RP1: variants seen among roughly 807,000 people sequenced by gnomAD.
RP1 encodes RP1 axonemal microtubule associated.
RP1 carries 16 observed loss-of-function variants against 14.8 expected under a neutral mutation model. The ratio of observed to expected loss-of-function variants is 1.08; its 90% confidence interval spans 0.73 to 1.65. RP1 has a LOEUF of 1.65. Among genes scored for constraint, RP1 ranks in the 40% most tolerant of loss-of-function variants. RP1 has a pLI of 0.00. For synonymous variants in RP1, 876 were observed against 883.6 expected (o/e 0.99, Z 0.15); for missense variants, 2,631 against 2,535.0 (o/e 1.04, Z -0.81).
intron 16 of RP1, among the ~76,000 whole-genome samples, chr8:54,722,461 G>T (rs1438393004): frequency 5.9e-5 from 9 of 151,848 alleles, no homozygotes; most frequent in Non-Finnish European, 1.3e-4. Flanking sequence ...TCGTACAGAC[G>T]GGGTTTCACC....
At chr8:54,841,558 C>A (rs1163160636) in intron 25 of RP1, among the ~76,000 whole-genome samples, 5 of 152,150 alleles carry the variant, frequency 3.3e-5, no homozygotes, top group Admixed American at 6.5e-5. Context: ...AGTCATCATT[C>A]TTTGGGGGCT....
chr8:54,615,900 T>C (rs3817658), upstream of RP1, among the ~76,000 whole-genome samples: 2,848 of 152,252 alleles, frequency 0.019, 195 homozygotes, highest in East Asian at 0.23. Flanking sequence ...AGGATAACAC[T>C]AGGCAAGAAA....
chr8:54,580,785 A>G (rs1804771953), intron 1 of RP1, among the ~76,000 whole-genome samples: 1 of 151,550 alleles, frequency 6.6e-6, no homozygotes, highest in Non-Finnish European at 1.5e-5. Flanking sequence ...TGCCCAGCTA[A>G]TTTTTGTATT....
intron 24 of RP1, among the ~76,000 whole-genome samples, chr8:54,799,571 C>T (rs952145168): frequency 6.6e-6 from 1 of 151,920 alleles, no homozygotes; most frequent in East Asian, 1.9e-4. Context: ...CCTTTTCCTG[C>T]CTTCTCAGGA....
intron 24 of RP1, among the ~76,000 whole-genome samples, chr8:54,790,746 G>A (rs1810444817): frequency 6.6e-6 from 1 of 152,096 alleles, no homozygotes; most frequent in Non-Finnish European, 1.5e-5. Context: ...CAATAAAGAA[G>A]AAGAAAGAAT....
At position 54,703,164 on chromosome 8, in the gene RP1, T is replaced by C. The variant is rs142680386; in HGVS notation, c.1998+1502T>C. On this transcript the variant is annotated intron_variant, in intron 14 of 22. Transcript: ENST00000636932. ...ATGGCATCTAGAATGGTGAATCTTT[T>C]CCAAAAGGTATTCAGTGTACTTTGC... is the stretch of plus-strand genomic sequence containing the variant. 3.9e-3 allele frequency among the ~76,000 whole-genome samples: 599 copies of C among 152,292 alleles called. 2 individuals are homozygous for C. Among genetic ancestry groups the C allele is most frequent in the Non-Finnish European group, 6.3e-3 (431 of 68,022 alleles).
intron 24 of RP1, among the ~76,000 whole-genome samples, chr8:54,795,947 C>A (rs1001627219): frequency 6.6e-6 from 1 of 152,190 alleles, no homozygotes; most frequent in Non-Finnish European, 1.5e-5. Context: ...TCCTTTACCT[C>A]TTTCTCTTTC....
intron 1 of RP1, chr8:54,560,867 C>G (rs1328374697): frequency 1.3e-5 from 2 of 151,918 alleles, no homozygotes; most frequent in African/African-American, 4.8e-5. Context: ...ATCTCTATGT[C>G]AATAGCATCC....
At chr8:54,574,433 C>G (rs1028235221) in intron 1 of RP1, among the ~76,000 whole-genome samples, 9 of 151,858 alleles carry the variant, frequency 5.9e-5, no homozygotes, top group Non-Finnish European at 1.2e-4. Flanking sequence ...GCACGGGCCT[C>G]AAGGATGGGT....
chr8:54,625,999 G>T lies in RP1; in HGVS notation c.2117G>T (p.Gly706Val). The T allele has an allele frequency of 6.2e-7, 1 of 1,613,890 alleles. No individual in the cohort carries two copies. The highest frequency in any genetic ancestry group is 8.5e-7 in the Non-Finnish European group (1 of 1,179,922). ...LNKNERINTK[G>V]RITKEMIVQD... The stretch of plus-strand genomic sequence containing the variant: ...AAGAATGAGAGAATAAACACAAAAG[G>T]TAGAATTACAAAGGAAATGATAGTG... Residue 706 changes from glycine (G) to valine (V), a missense_variant, in exon 4 of 4, where the codon GGT (glycine) becomes GTT (valine). Coordinates refer to ENST00000220676, the MANE Select transcript of RP1 (RefSeq NM_006269.2).
intron 18 of RP1, among the ~76,000 whole-genome samples, chr8:54,735,820 G>A (rs539313818): frequency 6.6e-6 from 1 of 152,152 alleles, no homozygotes; most frequent in Non-Finnish European, 1.5e-5. Context: ...CCCCACAAAA[G>A]TCTAATTTTC....
intron 1 of RP1, among the ~76,000 whole-genome samples, chr8:54,602,599 G>C (rs1245246624): frequency 6.6e-6 from 1 of 152,140 alleles, no homozygotes; most frequent in Admixed American, 6.5e-5. Context: ...CTAGATCCCT[G>C]AGGAATCACT....
At chr8:54,713,337 G>T (rs1035816335) in intron 15 of RP1, among the ~76,000 whole-genome samples, 1 of 152,074 alleles carries the variant, frequency 6.6e-6, no homozygotes, top group Non-Finnish European at 1.5e-5. Flanking sequence ...ATTTGTAAGG[G>T]TGTTAATTTA....
Position 54,626,154 on chromosome 8 carries a change from C to T in RP1, c.2272C>T (p.His758Tyr). The T allele has an allele frequency of 1.2e-6, 2 of 1,612,134 alleles. No individual in the cohort carries two copies. Among genetic ancestry groups the T allele is most frequent in the Non-Finnish European group, 1.7e-6 (2 of 1,179,262 alleles). The change falls in exon 4 of 4, where the codon CAT becomes TAT. Residue 758 changes from histidine (H) to tyrosine (Y), a missense_variant. His to Tyr is a moderately conservative substitution (Grantham distance 83, BLOSUM62 2). Transcript: ENST00000220676. Reference protein sequence around the residue: ...NLNSTISKNFHRNKLNTTQNS... With the variant: ...NLNSTISKNFYRNKLNTTQNS... ...CAATTCCACGATTTCCAAGAATTTC[C>T]ATAGAAATAAATTAAATACTACTCA...
At chr8:54,800,508 TG>T (rs1810680355) in intron 24 of RP1, among the ~76,000 whole-genome samples, 1 of 152,194 alleles carries the variant, frequency 6.6e-6, no homozygotes, top group Admixed American at 6.5e-5. Flanking sequence ...TAAGACTATA[TG>T]TTTGATATTG....
chr8:54,802,294 C>T (rs1810732055), intron 24 of RP1, among the ~76,000 whole-genome samples: 1 of 152,112 alleles, frequency 6.6e-6, no homozygotes, highest in Non-Finnish European at 1.5e-5. Flanking sequence ...TATTAAACAA[C>T]AACTGAGGCA....
intron 19 of RP1, among the ~76,000 whole-genome samples, chr8:54,744,022 T>C (rs2043774): frequency 0.81 from 123,045 of 152,148 alleles, 50,304 homozygotes; most frequent in African/African-American, 0.94. Context: ...ATAGTAAAGG[T>C]TCTGGGATGC....
chr8:54,725,462 C>T (rs1304970355), intron 16 of RP1, among the ~76,000 whole-genome samples: 18 of 152,146 alleles, frequency 1.2e-4, no homozygotes, highest in Non-Finnish European at 7.4e-5. Context: ...TAATCATGGG[C>T]AGTTCTTCAG....
At chr8:54,645,607 GTTGAGAATATTTTCA>G (rs1806529984) in intron 3 of RP1, among the ~76,000 whole-genome samples, 1 of 152,064 alleles carries the variant, frequency 6.6e-6, no homozygotes, top group Non-Finnish European at 1.5e-5. Context: ...CTAATATTTT[GTTGAGAATATTTTCA>G]TTGATGTTTT....
Sources: gnomAD v4.1 joint callset for allele counts (sites outside exome capture counted in the v4.1 genomes callset) on GRCh38, gnomAD v4.1.1 for gene constraint, MANE v1.5 for transcripts, NCBI Gene and HGNC (gene_info 2026-07-23, HGNC 2026-07-21) for gene names.